Variants in RNF183 observed in about 807,000 individuals in gnomAD.
The protein encoded by RNF183 is ring finger protein 183, also known as E3 ubiquitin-protein ligase RNF183.
A neutral mutation model predicts 9.0 loss-of-function variants in RNF183; 4 were observed. The observed-to-expected ratio is 0.44, with a 90% confidence interval of 0.22 to 1.01. The LOEUF (loss-of-function observed/expected upper bound fraction) is 1.01, where lower values mean the gene tolerates loss of function less well. Among genes scored for constraint, RNF183 ranks in the 50% least tolerant of loss-of-function variants. The pLI is 0.25. For synonymous variants in RNF183, 102 were observed against 107.5 expected, an observed-to-expected ratio of 0.95 and a Z score of 0.32; for missense variants, 227 against 253.6, an observed-to-expected ratio of 0.89 and a Z score of 0.71.
In RNF183 at chr9:113,297,708, C is replaced by T. The variant is rs769368527; in HGVS notation, c.477G>A (p.Gln159=). The change falls in exon 5 of 5, where the codon CAG becomes CAA. Residue 159 remains glutamine, a synonymous_variant. Transcript: ENST00000489339. The part of the protein sequence containing the change: ...HSLRECFRNP[Q]FRIFAYLMAV... ...CCATCAGGTAGGCAAAGATGCGGAA[C>T]TGAGGGTTGCGGAAACACTCCCTCA... 1 of 1,614,114 alleles carries T rather than the reference C, an allele frequency of 6.2e-7. No individual in the cohort carries two copies. Among genetic ancestry groups the T allele is most frequent in the Non-Finnish European group, 8.5e-7 (1 of 1,180,018 alleles).
intron 3 of RNF183, among the ~76,000 whole-genome samples, chr9:113,301,443 G>A (rs1040361851): frequency 2.6e-5 from 4 of 152,108 alleles, no homozygotes; most frequent in African/African-American, 9.7e-5. Context: ...GAAAAGGCAA[G>A]GTAAATATAT....
chr9:113,297,545 C>T lies in RNF183; in HGVS notation c.*61G>A. Reference sequence around the variant, plus strand: ...AAGGAAGACAATACCAAATGAGGCTCCGTAGTCACCATACCCAGCAGCAAC... The same window carrying T: ...AAGGAAGACAATACCAAATGAGGCTTCGTAGTCACCATACCCAGCAGCAAC... On this transcript the variant is annotated 3_prime_UTR_variant, in exon 5 of 5. Transcript: ENST00000489339. 1 of 1,121,118 alleles carries T rather than the reference C, an allele frequency of 8.9e-7. No individual in the cohort carries two copies. 69.4% of individuals were successfully genotyped at this position (1,121,118 alleles called of 1,614,324 possible).
rs141908591 is a variant in RNF183 at position 113,303,066 on chromosome 9, G to C, written c.-451C>G. 1 of 152,754 alleles carries C rather than the reference G, an allele frequency of 6.5e-6. No homozygotes were observed. Among genetic ancestry groups the C allele is most frequent in the Non-Finnish European group, 1.5e-5 (1 of 68,414 alleles). 9.5% of individuals were successfully genotyped at this position (152,754 alleles called of 1,614,324 possible). ...TCTCTGTCTCCTTACCTGCTCCCTC[G>C]GAGCCGCCTCCTCCGCCTCCGTTCG... On this transcript the variant is annotated 5_prime_UTR_variant, in exon 1 of 5. Coordinates refer to ENST00000489339, the MANE Select transcript of RNF183 (RefSeq NM_001371237.1).
rs756188640 is a variant in RNF183, at chr9:113,298,839, G to GCCCTTCCAGAGCCTCTTC, written c.-37-636_-37-619dup. On this transcript the variant is annotated intron_variant, in intron 4 of 4. Transcript: ENST00000489339. This position sits in a 1 kb window ranked among gnomAD's most constrained non-coding sequence, Gnocchi z 4.9. Reference sequence around the variant, plus strand: ...CTTCCCTGCCCCAGTCCCCAGATCAGCCCTTCCAGAGCCTCTTCCCCTTCC... The same window carrying GCCCTTCCAGAGCCTCTTC: ...CTTCCCTGCCCCAGTCCCCAGATCAGCCCTTCCAGAGCCTCTTCCCCTTCCAGAGCCTCTTCCCCTTCC... 0.059 allele frequency: 8,866 copies of GCCCTTCCAGAGCCTCTTC among 150,756 alleles called. 606 individuals are homozygous for GCCCTTCCAGAGCCTCTTC. Among genetic ancestry groups the GCCCTTCCAGAGCCTCTTC allele is most frequent in the East Asian group, 0.28 (1,299 of 4,710 alleles). The allele number at this position is 150,756 out of a possible 1,614,324, so 9.3% of individuals were successfully genotyped here. A position where few individuals can be genotyped will look rare whatever the true frequency, so the allele number is the denominator to read the frequency against.
chr9:113,301,217 A>G (rs1389661022), intron 3 of RNF183, among the ~76,000 whole-genome samples: 2 of 152,192 alleles, frequency 1.3e-5, no homozygotes, highest in Non-Finnish European at 2.9e-5. Flanking sequence ...GCAATGCATG[A>G]CCTAAAAATG....
chr9:113,302,808 G>T (rs1832956384), intron 1 of RNF183, among the ~76,000 whole-genome samples: 1 of 152,230 alleles, frequency 6.6e-6, no homozygotes, highest in Non-Finnish European at 1.5e-5. Context: ...GTAGAATACG[G>T]AAGGCGCTCA....
Position 113,298,403 on chromosome 9 carries a change from C to T in RNF183, c.-37-182G>A. On this transcript the variant is annotated intron_variant, in intron 4 of 4. Transcript: ENST00000489339. The surrounding 1 kb of genome is among the most constrained non-coding windows in gnomAD (Gnocchi z 4.9). ...CGAGTTGAGTCAAATGCTCCTACAGCCTCCCCTCTGTCAAGGTGAAGGCCT... is the reference window on the plus strand; with the variant it reads ...CGAGTTGAGTCAAATGCTCCTACAGTCTCCCCTCTGTCAAGGTGAAGGCCT... The T allele has an allele frequency of 1.8e-6, 1 of 570,306 alleles. No homozygotes were observed. The highest frequency in any genetic ancestry group is 3.1e-6 in the Non-Finnish European group (1 of 321,272). 35.3% of individuals were successfully genotyped at this position (570,306 alleles called of 1,614,324 possible). A position where few individuals can be genotyped will look rare whatever the true frequency, so the allele number is the denominator to read the frequency against.
intron 3 of RNF183, 29 bp from the exon 4 acceptor site, chr9:113,299,804 A>G (rs1008504284): frequency 1.3e-5 from 2 of 152,188 alleles, no homozygotes; most frequent in South Asian, 2.1e-4. Context: ...TTAAAAACCA[A>G]TTCTCCATCT....
intron 3 of RNF183, among the ~76,000 whole-genome samples, chr9:113,300,575 A>G (rs1832887070): frequency 6.6e-6 from 1 of 152,178 alleles, no homozygotes; most frequent in Non-Finnish European, 1.5e-5. Context: ...CTGAGACCAA[A>G]GTATATAGGA....
In RNF183 at chr9:113,298,040, G is replaced by C. The variant is rs1160543832; in HGVS notation, c.145C>G (p.Pro49Ala). Residue 49 changes from proline to alanine, a missense_variant, in exon 5 of 5, where the codon CCA becomes GCA. Physicochemically the swap from Pro to Ala is conservative, Grantham distance 27. Transcript: ENST00000489339. This position sits in a 1 kb window ranked among gnomAD's most constrained non-coding sequence, Gnocchi z 4.9. ...GGGCACAGCAGGCGGCGCCGGGCTG[G>C]AGTCACAAGGCTGAGGTGGGCCAGA... ...ECLAHLSLVT[P>A]ARRRLLCPLC... is the part of the protein sequence containing the mutation. The C allele has an allele frequency of 6.2e-7, 1 of 1,614,078 alleles. No homozygotes were observed. Among genetic ancestry groups the C allele is most frequent in the African/African-American group, 1.3e-5 (1 of 75,054 alleles).
intron 3 of RNF183, among the ~76,000 whole-genome samples, chr9:113,300,968 G>C (rs2118708290): frequency 6.6e-6 from 1 of 152,236 alleles, no homozygotes; most frequent in Non-Finnish European, 1.5e-5. Context: ...AGATAAAAGG[G>C]GATGGGATAA....
Position 113,297,397 on chromosome 9 carries a change from G to C in RNF183, c.*209C>G, listed in dbSNP as rs1361188436. The C allele has an allele frequency of 2.4e-6, 1 of 418,116 alleles. No individual in the cohort carries two copies. The highest frequency in any genetic ancestry group is 4.3e-6 in the Non-Finnish European group (1 of 230,342). 25.9% of individuals were successfully genotyped at this position (418,116 alleles called of 1,614,324 possible). A position where few individuals can be genotyped will look rare whatever the true frequency, so the allele number is the denominator to read the frequency against. On this transcript the variant is annotated 3_prime_UTR_variant, in exon 5 of 5. Coordinates refer to ENST00000489339, the MANE Select transcript of RNF183 (RefSeq NM_001371237.1). The stretch of plus-strand genomic sequence containing the variant: ...CTTCCATGACGCCACACTCACACCC[G>C]GAGGTCGCTCCACATCTCCCAGTCC...
In RNF183 at chr9:113,297,454, A is replaced by C; in HGVS notation, c.*152T>G. On this transcript the variant is annotated 3_prime_UTR_variant, in exon 5 of 5. Coordinates refer to ENST00000489339, the MANE Select transcript of RNF183 (RefSeq NM_001371237.1). ...CTTTTCGTTTTTTTGTTTTTTTTTAAAATTGTTCCCAGAAGCAAACACATG... is the reference window on the plus strand; with the variant it reads ...CTTTTCGTTTTTTTGTTTTTTTTTACAATTGTTCCCAGAAGCAAACACATG... 2 of 530,036 alleles carry C rather than the reference A, an allele frequency of 3.8e-6. No individual in the cohort carries two copies. The highest frequency in any genetic ancestry group is 6.4e-6 in the Non-Finnish European group (2 of 310,550). 32.8% of individuals were successfully genotyped at this position (530,036 alleles called of 1,614,324 possible).
At chr9:113,300,120 G>A (rs912499842) in intron 3 of RNF183, among the ~76,000 whole-genome samples, 2 of 152,224 alleles carry the variant, frequency 1.3e-5, no homozygotes, top group Admixed American at 6.5e-5. Flanking sequence ...CTGAGCCGAT[G>A]TCTGAAGCAA....
At chr9:113,300,172 T>A (rs1042653643) in intron 3 of RNF183, among the ~76,000 whole-genome samples, 11 of 152,260 alleles carry the variant, frequency 7.2e-5, no homozygotes, top group East Asian at 5.8e-4. Context: ...CTGGTTTTCT[T>A]CTAGACCTCT....
chr9:113,300,898 C>T lies in RNF183; in HGVS notation c.-242+774G>A, dbSNP rs1418914122. Among the ~76,000 whole-genome samples the T allele has an allele frequency of 3.3e-5, 5 of 152,238 alleles. No individual in the cohort carries two copies. In the East Asian group the frequency reaches 7.7e-4, roughly 23 times the overall value. On this transcript the variant is annotated intron_variant, in intron 3 of 4. Coordinates refer to ENST00000489339, the MANE Select transcript of RNF183 (RefSeq NM_001371237.1). ...TAAGATCGGGAAGGGAACACCCGTT[C>T]GGGCTGCAGCAGTGTGGCTCAGGCG...
At chr9:113,299,475 C>T (rs575394697) in intron 4 of RNF183, 97 bp downstream of exon 4, 20 of 152,380 alleles carry the variant, frequency 1.3e-4, no homozygotes, top group African/African-American at 4.8e-4. Flanking sequence ...GTGAAAGTCA[C>T]CTACTTCGAA....
At chr9:113,299,119 C>A (rs1298638525) in intron 4 of RNF183, 1 of 152,264 alleles carries the variant, frequency 6.6e-6, no homozygotes, top group Non-Finnish European at 1.5e-5. Flanking sequence ...GCACCTGGGG[C>A]TGCCAGGTGG....
In RNF183 at chr9:113,298,368, C is replaced by T; in HGVS notation, c.-37-147G>A. 1.7e-6 allele frequency: 1 copy of T among 600,104 alleles called. No homozygotes were observed. 37.2% of individuals were successfully genotyped at this position (600,104 alleles called of 1,614,324 possible). A position where few individuals can be genotyped will look rare whatever the true frequency, so the allele number is the denominator to read the frequency against. On this transcript the variant is annotated intron_variant, in intron 4 of 4. Coordinates refer to ENST00000489339, the MANE Select transcript of RNF183 (RefSeq NM_001371237.1). This position sits in a 1 kb window ranked among gnomAD's most constrained non-coding sequence, Gnocchi z 4.9. ...AGCGTTTTGTTCTTGATCACCAGTT[C>T]CTAACCCATCGAGTTGAGTCAAATG...
Sources: gnomAD v4.1 joint callset for allele counts (sites outside exome capture counted in the v4.1 genomes callset) on GRCh38, gnomAD v4.1.1 for gene constraint, Gnocchi (gnomAD v3.1) non-coding constraint, MANE v1.5 for transcripts, NCBI Gene and HGNC (gene_info 2026-07-23, HGNC 2026-07-21) for gene names.